NXPH2: variants seen among roughly 807,000 people sequenced by gnomAD.
NXPH2 encodes the protein neurexophilin 2, also known as neurexophilin-2.
Under a neutral mutation model 19.8 loss-of-function variants are expected in NXPH2, and 5 were observed. The observed-to-expected ratio is 0.25, with a 90% CI of 0.13 to 0.53. The LOEUF is 0.53. Ranked by LOEUF, NXPH2 falls within the 20% of genes least tolerant of loss-of-function variation. The pLI, the probability that NXPH2 is intolerant of heterozygous loss-of-function variation, is 0.96. For synonymous variants in NXPH2, 154 were observed against 127.4 expected, an observed-to-expected ratio of 1.21 and a Z score of -1.41; for missense variants, 289 against 322.8, an observed-to-expected ratio of 0.90 and a Z score of 0.80.
At chr2:138,768,501 C>T (rs561175371) in intron 1 of NXPH2, among the ~76,000 whole-genome samples, 1 of 152,310 alleles carries the variant, frequency 6.6e-6, no homozygotes, top group Non-Finnish European at 1.5e-5. Context: ...GCTTTCTCAA[C>T]CAGAACACAG....
chr2:138,719,235 T>C (rs1023508280), intron 1 of NXPH2, among the ~76,000 whole-genome samples: 3 of 152,188 alleles, frequency 2.0e-5, no homozygotes, highest in African/African-American at 4.8e-5. Flanking sequence ...TCCACAATTA[T>C]ATATACTTAA....
chr2:138,725,103 A>T (rs1486336722), intron 1 of NXPH2, among the ~76,000 whole-genome samples: 1 of 152,256 alleles, frequency 6.6e-6, no homozygotes, highest in Non-Finnish European at 1.5e-5. Context: ...TTTTAAATGT[A>T]GTCTCAAATA....
intron 1 of NXPH2, among the ~76,000 whole-genome samples, chr2:138,736,866 C>T (rs2105003517): frequency 6.6e-6 from 1 of 152,308 alleles, no homozygotes; most frequent in South Asian, 2.1e-4. Flanking sequence ...GTTCGAAGTT[C>T]CACAAATCTC....
intron 1 of NXPH2, among the ~76,000 whole-genome samples, chr2:138,774,156 T>C (rs1377106496): frequency 6.6e-6 from 1 of 152,226 alleles, no homozygotes; most frequent in Non-Finnish European, 1.5e-5. Flanking sequence ...AGAATTTAAC[T>C]GAGAGTCAAT....
At chr2:138,708,737 G>C (rs1681054794) in intron 1 of NXPH2, among the ~76,000 whole-genome samples, 1 of 152,130 alleles carries the variant, frequency 6.6e-6, no homozygotes, top group African/African-American at 2.4e-5. Flanking sequence ...ACTGTGAACT[G>C]GAAAACCTCC....
intron 1 of NXPH2, among the ~76,000 whole-genome samples, chr2:138,698,888 GT>G (rs769726386): frequency 5.9e-4 from 90 of 152,192 alleles, no homozygotes; most frequent in Non-Finnish European, 1.1e-3. Flanking sequence ...GAATTATTTA[GT>G]CTTCTAGTTT....
chr2:138,778,119 C>A (rs1682294445), intron 1 of NXPH2, among the ~76,000 whole-genome samples: 1 of 152,150 alleles, frequency 6.6e-6, no homozygotes, highest in African/African-American at 2.4e-5. Context: ...ACTCTGTTTT[C>A]CTTTCACATT....
At chr2:138,759,240 T>C (rs1573980762) in intron 1 of NXPH2, among the ~76,000 whole-genome samples, 1 of 152,300 alleles carries the variant, frequency 6.6e-6, no homozygotes, top group East Asian at 1.9e-4. Flanking sequence ...GAAGGCAATG[T>C]GATATTTCAA....
chr2:138,723,934 C>CTTCT (rs1553483607), intron 1 of NXPH2, among the ~76,000 whole-genome samples: 9 of 144,574 alleles, frequency 6.2e-5, no homozygotes, highest in Non-Finnish European at 1.3e-4. Flanking sequence ...GTCATAATTT[C>CTTCT]TTTTTTTTTT....
At chr2:138,736,717 C>T (rs542024939) in intron 1 of NXPH2, among the ~76,000 whole-genome samples, 3 of 152,368 alleles carry the variant, frequency 2.0e-5, no homozygotes, top group African/African-American at 7.2e-5. Context: ...TTTTCTATCA[C>T]ATTGTCAGGC....
At chr2:138,707,107 A>AAAAAAAAAAAAAAAAAAAAAAAAAC (rs1558918445) in intron 1 of NXPH2, among the ~76,000 whole-genome samples, 1 of 146,536 alleles carries the variant, frequency 6.8e-6, no homozygotes, top group African/African-American at 2.5e-5. Flanking sequence ...AAAAAAAAAA[A>AAAAAAAAAAAAAAAAAAAAAAAAAC]AAAAAGAGCA....
At chr2:138,690,552 CTT>C (rs1328559139) in intron 1 of NXPH2, among the ~76,000 whole-genome samples, 1 of 150,484 alleles carries the variant, frequency 6.6e-6, no homozygotes, top group African/African-American at 2.5e-5. Flanking sequence ...TACTCACTGT[CTT>C]TGACTTTCTC....
chr2:138,685,582 T>C (rs1038141947), intron 1 of NXPH2, among the ~76,000 whole-genome samples: 2 of 152,236 alleles, frequency 1.3e-5, no homozygotes, highest in Non-Finnish European at 2.9e-5. Flanking sequence ...CTACCTTAAA[T>C]GTGCTCAGAA....
chr2:138,671,131 G>T lies in NXPH2; in HGVS notation c.586C>A (p.Arg196=), dbSNP rs199969261. 4 of 1,613,740 alleles carry T rather than the reference G, an allele frequency of 2.5e-6. No homozygotes were observed. The highest frequency in any genetic ancestry group is 1.3e-5 in the African/African-American group (1 of 74,900). ...NCRIEYEKTD[R]AKKTALCNFD... ...TTGCACAGGGCGGTCTTTTTCGCCC[G>T]ATCTGTTTTTTCATACTCAATGCGA... Residue 196 remains arginine, a synonymous_variant, in exon 2 of 2, where the codon CGG becomes AGG. Coordinates refer to ENST00000272641, the MANE Select transcript of NXPH2 (RefSeq NM_007226.3).
intron 1 of NXPH2, among the ~76,000 whole-genome samples, chr2:138,772,733 G>T (rs1423095802): frequency 6.6e-6 from 1 of 152,200 alleles, no homozygotes. Flanking sequence ...TCACTGAGCA[G>T]AGTGGGATGT....
chr2:138,765,674 C>T (rs1459676359), intron 1 of NXPH2, among the ~76,000 whole-genome samples: 3 of 152,148 alleles, frequency 2.0e-5, no homozygotes, highest in African/African-American at 7.2e-5. Flanking sequence ...AATGTAATAG[C>T]TGTAAGCTGT....
intron 1 of NXPH2, among the ~76,000 whole-genome samples, chr2:138,729,895 G>C (rs369432099): frequency 6.6e-6 from 1 of 152,116 alleles, no homozygotes; most frequent in African/African-American, 2.4e-5. Flanking sequence ...GTTTTTGTCT[G>C]CTCGGGCTGC....
intron 1 of NXPH2, among the ~76,000 whole-genome samples, chr2:138,747,889 C>T (rs952347911): frequency 1.5e-4 from 23 of 152,206 alleles, no homozygotes; most frequent in Non-Finnish European, 2.8e-4. Context: ...CTTCCATCTA[C>T]CTTGCCTCAG....
intron 1 of NXPH2, among the ~76,000 whole-genome samples, chr2:138,714,167 A>G (rs911528761): frequency 1.3e-5 from 2 of 152,254 alleles, no homozygotes; most frequent in Non-Finnish European, 2.9e-5. Context: ...AATTAAATTT[A>G]TTTTCTAACT....
Sources: allele counts gnomAD v4.1 joint callset (sites outside exome capture counted in the v4.1 genomes callset), GRCh38; gene constraint gnomAD v4.1.1; transcripts MANE v1.5; gene names NCBI Gene and HGNC (gene_info 2026-07-23, HGNC 2026-07-21).